NRG3: variants seen among roughly 807,000 people sequenced by gnomAD.
NRG3 encodes the protein neuregulin 3.
In NRG3, 31 loss-of-function variants were observed where a neutral mutation model predicts 66.9. That is an observed-to-expected ratio of 0.46 (90% confidence interval 0.35 to 0.63). The LOEUF is 0.63. Ranked by LOEUF, NRG3 falls within the 20% of genes least tolerant of loss-of-function variation. The pLI, the probability that NRG3 is intolerant of heterozygous loss-of-function variation, is 0.00. For missense variants in NRG3, 910 were observed against 878.9 expected, an observed-to-expected ratio of 1.04 and a Z score of -0.45; for synonymous variants, 393 against 359.4, an observed-to-expected ratio of 1.09 and a Z score of -1.06.
At position 82,614,216 on chromosome 10, in the gene NRG3, C is replaced by T. The variant is rs570901119; in HGVS notation, c.954-124361C>T. On this transcript the variant is annotated intron_variant, in intron 2 of 8. Coordinates refer to ENST00000372141, the MANE Select transcript of NRG3 (RefSeq NM_001010848.4). ...CCCACCTGGGGCACTGTTACTTTAA[C>T]AACAGACCATGTGGACCACTTTGTT... is the stretch of plus-strand genomic sequence containing the variant. Among the ~76,000 whole-genome samples the T allele has an allele frequency of 1.2e-3, 184 of 152,264 alleles. 1 individual carries two copies. The highest frequency in any genetic ancestry group is 4.0e-3 in the African/African-American group (168 of 41,558).
At chr10:82,064,144 A>G (rs773252361) in intron 1 of NRG3, among the ~76,000 whole-genome samples, 2 of 152,192 alleles carry the variant, frequency 1.3e-5, no homozygotes, top group African/African-American at 2.4e-5. Context: ...TCAGTGAATT[A>G]AGGAATGGAT....
chr10:82,527,470 C>T (rs1026354730), intron 2 of NRG3, among the ~76,000 whole-genome samples: 4 of 152,132 alleles, frequency 2.6e-5, no homozygotes, highest in African/African-American at 9.7e-5. Context: ...TGGCTGTGTT[C>T]TGTTTTTCAG....
rs138429394 is a variant in NRG3 at position 81,977,997 on chromosome 10, G to A, written c.823+101834G>A. 2.9e-3 allele frequency among the ~76,000 whole-genome samples: 444 copies of A among 151,972 alleles called. 1 individual carries two copies. The highest frequency in any genetic ancestry group is 0.01 in the Middle Eastern group (3 of 292). On this transcript the variant is annotated intron_variant, in intron 1 of 8. Transcript: ENST00000372141. ...TCAGATCAGGGCAATTAGTATTTTC[G>A]TCATCTCAAACATTTGTTATTTCTT...
chr10:82,865,320 G>C, intron 3 of NRG3, 91 bp from the exon 4 acceptor site: 1 of 1,344,384 alleles, frequency 7.4e-7, no homozygotes, highest in Non-Finnish European at 1.1e-6. Context: ...TGGAGGGTTA[G>C]TCTTATGAGC....
intron 1 of NRG3, among the ~76,000 whole-genome samples, chr10:82,342,568 C>A (rs2135403993): frequency 6.6e-6 from 1 of 152,018 alleles, no homozygotes; most frequent in South Asian, 2.1e-4. Context: ...TGTATGTTTT[C>A]TTTTAAAAAG....
intron 1 of NRG3, among the ~76,000 whole-genome samples, chr10:82,297,526 G>A (rs998209338): frequency 1.3e-5 from 2 of 151,998 alleles, no homozygotes; most frequent in Admixed American, 6.6e-5. Flanking sequence ...CTGCTTAGTA[G>A]GGAAGAAAAT....
chr10:82,619,433 T>C (rs2048889715), intron 2 of NRG3, among the ~76,000 whole-genome samples: 1 of 152,186 alleles, frequency 6.6e-6, no homozygotes, highest in African/African-American at 2.4e-5. Flanking sequence ...GCCAAGGGAT[T>C]GGTATTTCTG....
chr10:81,999,904 T>A (rs1208417095), intron 1 of NRG3, among the ~76,000 whole-genome samples: 1 of 152,200 alleles, frequency 6.6e-6, no homozygotes, highest in African/African-American at 2.4e-5. Context: ...CAGTCAAGTA[T>A]TTTTAGATAG....
chr10:82,529,714 G>A (rs765792657), intron 2 of NRG3, among the ~76,000 whole-genome samples: 10 of 152,064 alleles, frequency 6.6e-5, no homozygotes, highest in Non-Finnish European at 1.2e-4. Context: ...ACAAAAGCCA[G>A]AAGACCTAAA....
At chr10:82,874,601 A>C (rs1439109102) in intron 4 of NRG3, among the ~76,000 whole-genome samples, 1 of 152,190 alleles carries the variant, frequency 6.6e-6, no homozygotes, top group Non-Finnish European at 1.5e-5. Context: ...ACTACGTGAG[A>C]AATCAGATAT....
chr10:82,096,794 A>G (rs12241083), intron 1 of NRG3, among the ~76,000 whole-genome samples: 4,163 of 152,282 alleles, frequency 0.027, 195 homozygotes, highest in African/African-American at 0.096. Context: ...CAGAGCTTAG[A>G]AAGATAAGCC....
At chr10:82,426,416 T>G (rs527522190) in intron 2 of NRG3, among the ~76,000 whole-genome samples, 1 of 152,042 alleles carries the variant, frequency 6.6e-6, no homozygotes, top group South Asian at 2.1e-4. Flanking sequence ...TATTCAAATG[T>G]GTCTCTAGTT....
At chr10:81,954,485 T>A (rs1338983849) in intron 1 of NRG3, among the ~76,000 whole-genome samples, 1 of 152,194 alleles carries the variant, frequency 6.6e-6, no homozygotes, top group African/African-American at 2.4e-5. Context: ...CTCTGAACTC[T>A]ATCAGAACAA....
chr10:82,424,541 T>A (rs2089294285), intron 2 of NRG3, among the ~76,000 whole-genome samples: 1 of 152,076 alleles, frequency 6.6e-6, no homozygotes, highest in Non-Finnish European at 1.5e-5. Context: ...AGGATACAAA[T>A]CCCTTTTGAG....
At chr10:82,816,345 G>A (rs1242351248) in intron 3 of NRG3, among the ~76,000 whole-genome samples, 1 of 152,236 alleles carries the variant, frequency 6.6e-6, no homozygotes, top group Non-Finnish European at 1.5e-5. Flanking sequence ...GCTCTCAGGA[G>A]ACCCGAAGTG....
intron 1 of NRG3, among the ~76,000 whole-genome samples, chr10:82,242,775 G>A (rs963640147): frequency 6.6e-6 from 1 of 152,144 alleles, no homozygotes; most frequent in Non-Finnish European, 1.5e-5. Flanking sequence ...TTGTGTTTCT[G>A]TACATCTCAG....
At chr10:81,911,603 G>GGTTTTTTTTTTTT (rs1306854861) in intron 1 of NRG3, among the ~76,000 whole-genome samples, 1 of 77,944 alleles carries the variant, frequency 1.3e-5, no homozygotes, top group Non-Finnish European at 2.6e-5. Flanking sequence ...GCACAGACTT[G>GGTTTTTTTTTTTT]TTTTTTTTTT....
intron 4 of NRG3, among the ~76,000 whole-genome samples, chr10:82,929,624 CT>C (rs1357564289): frequency 6.6e-6 from 1 of 152,164 alleles, no homozygotes. Context: ...TGGCTCACCC[CT>C]GTAATCCCAG....
At chr10:82,611,322 G>A (rs1441086347) in intron 2 of NRG3, among the ~76,000 whole-genome samples, 1 of 151,426 alleles carries the variant, frequency 6.6e-6, no homozygotes, top group South Asian at 2.1e-4. Flanking sequence ...CAACATGCAG[G>A]TTTGTTACAT....
Sources: gnomAD v4.1 joint callset for allele counts (sites outside exome capture counted in the v4.1 genomes callset) on GRCh38, gnomAD v4.1.1 for gene constraint, MANE v1.5 for transcripts, NCBI Gene and HGNC (gene_info 2026-07-23, HGNC 2026-07-21) for gene names.